The following KPNA3 variants were observed in gnomAD, a reference collection of about 807,000 sequenced individuals.
KPNA3 encodes the protein importin subunit alpha-4.
Under a neutral mutation model 73.8 loss-of-function variants are expected in KPNA3, and 13 were observed. That is an observed-to-expected ratio of 0.18 (90% CI 0.11 to 0.28). The LOEUF is 0.28. Among genes scored for constraint, KPNA3 ranks in the 10% least tolerant of loss-of-function variants. The probability of loss-of-function intolerance (pLI) is 1.00; values close to 1 mark genes in which losing one functional copy is unlikely to be tolerated. For synonymous variants in KPNA3, 186 were observed against 206.9 expected (o/e 0.90, Z 0.87); for missense variants, 360 against 618.1 (o/e 0.58, Z 4.43).
chr13:49,705,908 C>T lies in KPNA3; in HGVS notation c.1210-125G>A. Reference sequence around the variant, plus strand: ...AGCCCAGGAGTTGGAGGCTGTAGTGCGTTATGGTCATGCCTGTGAATAGCA... The same window carrying T: ...AGCCCAGGAGTTGGAGGCTGTAGTGTGTTATGGTCATGCCTGTGAATAGCA... On this transcript the variant is annotated intron_variant, in intron 14 of 16. Transcript: ENST00000261667. 1.7e-5 allele frequency: 17 copies of T among 1,013,582 alleles called. No homozygotes were observed. The South Asian group carries it at 1.8e-4, about 11-fold the overall frequency. 62.8% of individuals were successfully genotyped at this position (1,013,582 alleles called of 1,614,324 possible).
rs1455555334 is a variant in KPNA3, at chr13:49,732,677, T to C, written c.235-20A>G. On this transcript the variant is annotated intron_variant, in intron 4 of 16. Coordinates refer to ENST00000261667, the MANE Select transcript of KPNA3 (RefSeq NM_002267.4). ...GGCATTCTGCAATACCAAATGTAAA[T>C]TTCAGAAATGAAAAAAAAAAAATCA... 7 of 1,575,186 alleles carry C rather than the reference T, an allele frequency of 4.4e-6. No individual in the cohort carries two copies. Among genetic ancestry groups the C allele is most frequent in the Non-Finnish European group, 8.6e-7 (1 of 1,165,294 alleles).
intron 1 of KPNA3, among the ~76,000 whole-genome samples, chr13:49,773,192 T>C (rs1237379073): frequency 1.3e-5 from 2 of 152,182 alleles, no homozygotes; most frequent in Non-Finnish European, 2.9e-5. Flanking sequence ...AGCAGATTAA[T>C]ATTTGCCTAA....
At chr13:49,717,675 T>C (rs1349220982) in intron 10 of KPNA3, among the ~76,000 whole-genome samples, 1 of 152,214 alleles carries the variant, frequency 6.6e-6, no homozygotes, top group Non-Finnish European at 1.5e-5. Flanking sequence ...TTGTAGATGA[T>C]GGAGATAATG....
At position 49,734,324 on chromosome 13, in the gene KPNA3, G is replaced by T. The variant is rs547003969; in HGVS notation, c.115-1278C>A. On this transcript the variant is annotated intron_variant, in intron 2 of 16. Transcript: ENST00000261667. ...AAACGTTCACAACTATGAGGTTTTT[G>T]TAACTGTCTTATTCAGTGATTTCTA... 2.2e-3 allele frequency among the ~76,000 whole-genome samples: 335 copies of T among 152,230 alleles called. 1 individual carries two copies. The highest frequency in any genetic ancestry group is 3.9e-3 in the Non-Finnish European group (268 of 68,000).
chr13:49,751,820 A>G (rs1209101600), intron 1 of KPNA3, among the ~76,000 whole-genome samples: 3 of 152,182 alleles, frequency 2.0e-5, no homozygotes, highest in African/African-American at 7.2e-5. Flanking sequence ...AGGCAGGAAG[A>G]TGGCTTCAGC....
At chr13:49,769,437 C>A (rs1253473874) in intron 1 of KPNA3, among the ~76,000 whole-genome samples, 1 of 152,138 alleles carries the variant, frequency 6.6e-6, no homozygotes, top group Admixed American at 6.5e-5. Flanking sequence ...AGCATTTGTT[C>A]CCCATGCTCC....
intron 2 of KPNA3, among the ~76,000 whole-genome samples, chr13:49,740,662 T>C (rs959724374): frequency 6.6e-6 from 1 of 152,202 alleles, no homozygotes; most frequent in Non-Finnish European, 1.5e-5. Flanking sequence ...CCTCTTTCTT[T>C]TGTAAATTGC....
intron 1 of KPNA3, among the ~76,000 whole-genome samples, chr13:49,752,597 A>C (rs1332518362): frequency 2.6e-5 from 4 of 152,238 alleles, no homozygotes; most frequent in East Asian, 1.9e-4. Context: ...CAATCAAAAA[A>C]GAATTAGAAA....
chr13:49,720,436 G>A (rs567938728), intron 9 of KPNA3, among the ~76,000 whole-genome samples: 98 of 152,264 alleles, frequency 6.4e-4, no homozygotes, highest in Non-Finnish European at 1.1e-3. Flanking sequence ...AAAAGTAGCA[G>A]GTACTAGAGA....
intron 1 of KPNA3, among the ~76,000 whole-genome samples, chr13:49,760,062 C>T (rs1390906483): frequency 1.3e-5 from 2 of 152,162 alleles, no homozygotes; most frequent in Non-Finnish European, 2.9e-5. Context: ...CTGATAAAGC[C>T]TCCAGCTTCA....
intron 2 of KPNA3, among the ~76,000 whole-genome samples, chr13:49,733,859 G>C (rs1220719476): frequency 6.6e-6 from 1 of 152,182 alleles, no homozygotes; most frequent in African/African-American, 2.4e-5. Context: ...AGTTACCTGA[G>C]ACCATGTTAG....
At chr13:49,704,436 AATAAAT>A (rs1566330817) in intron 15 of KPNA3, among the ~76,000 whole-genome samples, 703 of 6,696 alleles carry the variant, frequency 0.1, 13 homozygotes, top group Middle Eastern at 0.22. Context: ...ATAAATAAAA[AATAAAT>A]AAATAAATAA....
At chr13:49,758,895 A>C (rs893942370) in intron 1 of KPNA3, among the ~76,000 whole-genome samples, 1 of 152,218 alleles carries the variant, frequency 6.6e-6, no homozygotes, top group African/African-American at 2.4e-5. Flanking sequence ...GTGCATAGAC[A>C]ATACTCTCAA....
At chr13:49,715,898 T>TTTAGGCATTTAGGCCATTTA (rs1954299875) in intron 10 of KPNA3, among the ~76,000 whole-genome samples, 1 of 152,230 alleles carries the variant, frequency 6.6e-6, no homozygotes, top group Non-Finnish European at 1.5e-5. Flanking sequence ...TGCCTATCCA[T>TTTAGGCATTTAGGCCATTTA]AATAGTGTGT....
intron 1 of KPNA3, among the ~76,000 whole-genome samples, chr13:49,758,052 A>G (rs1315803825): frequency 6.6e-6 from 1 of 152,154 alleles, no homozygotes; most frequent in Non-Finnish European, 1.5e-5. Context: ...GGGAAGGAAA[A>G]GAGAAGGTCA....
intron 1 of KPNA3, among the ~76,000 whole-genome samples, chr13:49,764,751 CT>C (rs1326626884): frequency 6.7e-6 from 1 of 148,528 alleles, no homozygotes; most frequent in African/African-American, 2.5e-5. Flanking sequence ...ATGTCTTTCA[CT>C]TAAAAAAAAA....
intron 6 of KPNA3, among the ~76,000 whole-genome samples, chr13:49,727,741 G>C (rs981085926): frequency 6.6e-6 from 1 of 152,062 alleles, no homozygotes; most frequent in Non-Finnish European, 1.5e-5. Context: ...GGCACTAAGA[G>C]GGGTAAGGGG....
chr13:49,720,308 G>A (rs976788677), intron 9 of KPNA3, among the ~76,000 whole-genome samples: 3 of 152,150 alleles, frequency 2.0e-5, no homozygotes, highest in Admixed American at 6.5e-5. Context: ...ATTCGAACCA[G>A]TACAAAGTAC....
At chr13:49,743,588 A>T (rs1954592230) in intron 2 of KPNA3, among the ~76,000 whole-genome samples, 1 of 152,054 alleles carries the variant, frequency 6.6e-6, no homozygotes, top group African/African-American at 2.4e-5. Context: ...CAAAAAAAAA[A>T]AAAAGAAAGG....
Sources: gnomAD v4.1 joint callset for allele counts (sites outside exome capture counted in the v4.1 genomes callset) on GRCh38, gnomAD v4.1.1 for gene constraint, MANE v1.5 for transcripts, NCBI Gene and HGNC (gene_info 2026-07-23, HGNC 2026-07-21) for gene names.